The following FHOD3 variants were observed in gnomAD, a reference collection of about 807,000 sequenced individuals.
The protein encoded by FHOD3 is FH1/FH2 domain-containing protein 3.
Under a neutral mutation model 173.0 loss-of-function variants are expected in FHOD3, and 90 were observed. That is an observed-to-expected ratio of 0.52 (90% CI 0.44 to 0.62). The LOEUF is 0.62. FHOD3 is among the 20% of genes least tolerant of loss of function. The pLI, the probability that FHOD3 is intolerant of heterozygous loss-of-function variation, is 0.00. For synonymous variants in FHOD3, 828 were observed against 823.0 expected (o/e 1.01, Z -0.10); for missense variants, 1,945 against 2,034.7 (o/e 0.96, Z 0.85).
chr18:36,744,715 C>A (rs1403225597), intron 23 of FHOD3, among the ~76,000 whole-genome samples: 1 of 152,228 alleles, frequency 6.6e-6, no homozygotes, highest in African/African-American at 2.4e-5. Context: ...TGGCCCTCAG[C>A]TGCAAGCTCT....
chr18:36,301,484 G>A (rs569786274), intron 1 of FHOD3, among the ~76,000 whole-genome samples: 15 of 152,248 alleles, frequency 9.9e-5, no homozygotes, highest in African/African-American at 3.4e-4. Flanking sequence ...ATAAACATTA[G>A]TTTTCTAACA....
intron 18 of FHOD3, among the ~76,000 whole-genome samples, chr18:36,716,357 T>C (rs910045478): frequency 1.3e-5 from 2 of 152,086 alleles, no homozygotes; most frequent in African/African-American, 4.8e-5. Flanking sequence ...ACACTGGATG[T>C]GGAGGATGAA....
Position 36,718,594 on chromosome 18 carries a change from C to G in FHOD3, c.3296C>G (p.Pro1099Arg). The G allele has an allele frequency of 1.2e-6, 2 of 1,614,020 alleles. No individual in the cohort carries two copies. The highest frequency in any genetic ancestry group is 1.7e-6 in the Non-Finnish European group (2 of 1,179,952). ...AATGAAGTTCGGCCTTTTGACTGGC[C>G]ATGTAAAAACAACCGACGCTGCAGA... ...FWNEVRPFDW[P>R]CKNNRRCREF... Residue 1099 changes from proline (P) to arginine (R), a missense_variant, in exon 19 of 29, where the codon CCA becomes CGA. Physicochemically the swap from Pro to Arg is moderately radical, Grantham distance 103. Transcript: ENST00000590592.
At chr18:36,774,756 C>T (rs993503071) in intron 28 of FHOD3, among the ~76,000 whole-genome samples, 5 of 152,102 alleles carry the variant, frequency 3.3e-5, no homozygotes, top group African/African-American at 9.7e-5. Context: ...TACTATTAAC[C>T]GAACTGTAGG....
chr18:36,446,986 A>G (rs1383411164), intron 3 of FHOD3, among the ~76,000 whole-genome samples: 1 of 152,192 alleles, frequency 6.6e-6, no homozygotes, highest in Non-Finnish European at 1.5e-5. Context: ...GGTGAGGCCA[A>G]CAGCCCTTGG....
At chr18:36,657,714 C>T (rs561431344) in intron 13 of FHOD3, among the ~76,000 whole-genome samples, 2 of 152,306 alleles carry the variant, frequency 1.3e-5, no homozygotes, top group East Asian at 1.9e-4. Flanking sequence ...ACTAATTGTG[C>T]CACCATGTGA....
chr18:36,456,461 A>G (rs1028263887), intron 3 of FHOD3, among the ~76,000 whole-genome samples: 2 of 152,114 alleles, frequency 1.3e-5, no homozygotes, highest in African/African-American at 4.8e-5. Context: ...ATAGATTAGA[A>G]GATTAGTGGA....
chr18:36,346,695 G>A (rs117958597), intron 1 of FHOD3, among the ~76,000 whole-genome samples: 10 of 152,196 alleles, frequency 6.6e-5, no homozygotes, highest in Non-Finnish European at 1.5e-4. Context: ...GATCCTGGCG[G>A]TGGCTTCTCC....
At chr18:36,435,100 A>C (rs1443374413) in intron 3 of FHOD3, among the ~76,000 whole-genome samples, 8 of 104,990 alleles carry the variant, frequency 7.6e-5, no homozygotes, top group African/African-American at 2.5e-4. Flanking sequence ...ATTTCACTGG[A>C]CTTTTTTTTT....
At chr18:36,649,191 T>TA in intron 10 of FHOD3, 125 bp from the exon 11 acceptor site, 3 of 628,166 alleles carry the variant, frequency 4.8e-6, no homozygotes, top group Non-Finnish European at 7.8e-6. Flanking sequence ...TTTTTTTTTT[T>TA]AATTATTATT....
chr18:36,526,895 C>T (rs144668189), intron 5 of FHOD3, among the ~76,000 whole-genome samples: 50 of 152,336 alleles, frequency 3.3e-4, no homozygotes, highest in African/African-American at 9.4e-4. Flanking sequence ...TTTCTGAAAT[C>T]ATGTGGATTA....
intron 25 of FHOD3, among the ~76,000 whole-genome samples, chr18:36,757,914 T>C (rs1009713170): frequency 2.0e-5 from 3 of 152,220 alleles, no homozygotes; most frequent in African/African-American, 7.2e-5. Flanking sequence ...GAACCCAGGC[T>C]GGTCAATCCC....
At chr18:36,626,598 C>T (rs2148812379) in intron 10 of FHOD3, among the ~76,000 whole-genome samples, 1 of 152,184 alleles carries the variant, frequency 6.6e-6, no homozygotes, top group African/African-American at 2.4e-5. Flanking sequence ...CAGTCTCTGC[C>T]ACCCAAATCC....
chr18:36,553,222 A>G (rs2057735376), intron 5 of FHOD3, among the ~76,000 whole-genome samples: 1 of 152,192 alleles, frequency 6.6e-6, no homozygotes, highest in Non-Finnish European at 1.5e-5. Context: ...TCGATTTGCC[A>G]GTATTTTATT....
At chr18:36,552,239 T>A (rs1451275142) in intron 5 of FHOD3, among the ~76,000 whole-genome samples, 1 of 152,232 alleles carries the variant, frequency 6.6e-6, no homozygotes, top group Non-Finnish European at 1.5e-5. Flanking sequence ...TTCCTAGGTA[T>A]TTTATTCTCT....
intron 3 of FHOD3, among the ~76,000 whole-genome samples, chr18:36,450,260 C>T (rs532440359): frequency 2.0e-5 from 3 of 152,190 alleles, no homozygotes; most frequent in South Asian, 2.1e-4. Context: ...CTACTTCTGA[C>T]GAGCAGCCAG....
At chr18:36,574,273 A>T (rs72893891) in intron 5 of FHOD3, among the ~76,000 whole-genome samples, 13,187 of 151,528 alleles carry the variant, frequency 0.087, 742 homozygotes, top group Non-Finnish European at 0.13. Context: ...TTGATACATA[A>T]TCATTTCTTT....
chr18:36,666,710 G>T (rs1481028777), intron 14 of FHOD3, among the ~76,000 whole-genome samples: 1 of 152,170 alleles, frequency 6.6e-6, no homozygotes, highest in Non-Finnish European at 1.5e-5. Context: ...AACATCGAAG[G>T]TTTGCATCTT....
chr18:36,440,773 T>C (rs1348109948), intron 3 of FHOD3, among the ~76,000 whole-genome samples: 1 of 152,252 alleles, frequency 6.6e-6, no homozygotes, highest in African/African-American at 2.4e-5. Flanking sequence ...CTTGTCATTT[T>C]TAAATGGCTC....
Sources: gnomAD v4.1 joint callset for allele counts (sites outside exome capture counted in the v4.1 genomes callset) on GRCh38, gnomAD v4.1.1 for gene constraint, MANE v1.5 for transcripts, NCBI Gene and HGNC (gene_info 2026-07-23, HGNC 2026-07-21) for gene names.